Variants in SLC12A6 observed in about 807,000 individuals in gnomAD.
The protein encoded by SLC12A6 is solute carrier family 12 member 6, also known as K-Cl cotransporter 3.
A neutral mutation model predicts 135.3 loss-of-function variants in SLC12A6; 66 were observed. The observed-to-expected ratio is 0.49, with a 90% CI of 0.40 to 0.60. The LOEUF (loss-of-function observed/expected upper bound fraction) is 0.60, where lower values mean the gene tolerates loss of function less well. Ranked by LOEUF, SLC12A6 falls within the 20% of genes least tolerant of loss-of-function variation. The pLI, the probability that SLC12A6 is intolerant of heterozygous loss-of-function variation, is 0.00. For synonymous variants in SLC12A6, 513 were observed against 508.8 expected, an observed-to-expected ratio of 1.01 and a Z score of -0.11; for missense variants, 1,058 against 1,452.3, an observed-to-expected ratio of 0.73 and a Z score of 4.41.
At chr15:34,323,474 A>G (rs1889259497) in intron 2 of SLC12A6, among the ~76,000 whole-genome samples, 1 of 152,134 alleles carries the variant, frequency 6.6e-6, no homozygotes, top group Non-Finnish European at 1.5e-5. Flanking sequence ...CGCCAACCCT[A>G]TTGTGAACAG....
At position 34,257,917 on chromosome 15, in the gene SLC12A6, C is replaced by T. The variant is rs2705350; in HGVS notation, c.544-129G>A. 0.96 allele frequency: 637,329 copies of T among 667,284 alleles called. 306,927 individuals carry two copies. Among genetic ancestry groups the T allele is most frequent in the East Asian group, 1 (36,798 of 36,808 alleles). The allele number at this position is 667,284 out of a possible 1,614,324, so 41.3% of individuals were successfully genotyped here. ...GCAGAAATCATAAGTTTAATCAATA[C>T]CTTCAAAAGGGCACATATAAAATCT... is the stretch of plus-strand genomic sequence containing the variant. On this transcript the variant is annotated intron_variant, in intron 5 of 25. Coordinates refer to ENST00000354181, the MANE Select transcript of SLC12A6 (RefSeq NM_001365088.1).
intron 13 of SLC12A6, among the ~76,000 whole-genome samples, chr15:34,248,683 G>A (rs1230399083): frequency 6.6e-6 from 1 of 152,020 alleles, no homozygotes; most frequent in East Asian, 1.9e-4. Context: ...TCCTCAAAGA[G>A]CTCAACGTGT....
chr15:34,316,230 G>A, intron 2 of SLC12A6, among the ~76,000 whole-genome samples: 1 of 151,830 alleles, frequency 6.6e-6, no homozygotes, highest in East Asian at 1.9e-4. Context: ...AATGAAAAAT[G>A]CTACTGGTTA....
chr15:34,255,219 A>T (rs776728827), intron 8 of SLC12A6, 43 bp downstream of exon 8: 1 of 1,444,098 alleles, frequency 6.9e-7, no homozygotes, highest in Non-Finnish European at 9.7e-7. Context: ...ACCTAAATCA[A>T]TATTTCTTCT....
intron 3 of SLC12A6, among the ~76,000 whole-genome samples, chr15:34,273,728 A>C (rs1240174470): frequency 6.6e-6 from 1 of 152,230 alleles, no homozygotes; most frequent in Non-Finnish European, 1.5e-5. Context: ...ATAAGCCTCA[A>C]ATCAAAGCAT....
intron 2 of SLC12A6, 78 bp downstream of exon 2, chr15:34,336,332 T>C: frequency 8.9e-7 from 1 of 1,123,814 alleles, no homozygotes; most frequent in East Asian, 2.4e-5. Flanking sequence ...ATGATTATGA[T>C]CTTCCAGATC....
At chr15:34,261,157 G>C (rs774656510) in intron 3 of SLC12A6, 137 bp from the exon 4 acceptor site, 1 of 661,886 alleles carries the variant, frequency 1.5e-6, no homozygotes, top group Non-Finnish European at 2.8e-6. Context: ...AACTCAATCA[G>C]CACTGCTTGG....
At chr15:34,263,194 A>G (rs1226267986) in intron 3 of SLC12A6, among the ~76,000 whole-genome samples, 1 of 152,104 alleles carries the variant, frequency 6.6e-6, no homozygotes, top group Non-Finnish European at 1.5e-5. Context: ...CCCAGGTGGG[A>G]GACTGCTAGA....
chr15:34,277,439 C>G (rs1894370532), intron 2 of SLC12A6, among the ~76,000 whole-genome samples: 1 of 152,116 alleles, frequency 6.6e-6, no homozygotes, highest in South Asian at 2.1e-4. Flanking sequence ...ATCTCTCCCC[C>G]AACCCCCCAC....
chr15:34,258,142 A>G (rs1293744351), intron 5 of SLC12A6, among the ~76,000 whole-genome samples: 1 of 152,228 alleles, frequency 6.6e-6, no homozygotes, highest in African/African-American at 2.4e-5. Flanking sequence ...ACTTGATGGA[A>G]TTTCTTCAGA....
intron 3 of SLC12A6, among the ~76,000 whole-genome samples, chr15:34,271,137 G>A (rs1295978551): frequency 1.3e-5 from 2 of 152,026 alleles, no homozygotes; most frequent in Non-Finnish European, 2.9e-5. Context: ...ACCATATCAG[G>A]TATGTTTCAA....
rs10851964 is a variant in SLC12A6, at chr15:34,250,854, G to A, written c.1492+45C>T. On this transcript the variant is annotated intron_variant, in intron 11 of 25. Coordinates refer to ENST00000354181, the MANE Select transcript of SLC12A6 (RefSeq NM_001365088.1). ...TCTGCCTCCTGAGAAAAATCACTCCGTGGGTCTGACAGCTTCTAAAATATA... is the reference window on the plus strand; with the variant it reads ...TCTGCCTCCTGAGAAAAATCACTCCATGGGTCTGACAGCTTCTAAAATATA... The A allele has an allele frequency of 0.67, 1,027,345 of 1,541,474 alleles. 345,551 individuals carry two copies. The highest frequency in any genetic ancestry group is 0.72 in the East Asian group (31,775 of 44,440).
At position 34,275,333 on chromosome 15, in the gene SLC12A6, G is replaced by A. The variant is rs1163258585; in HGVS notation, c.316+12C>T. The A allele has an allele frequency of 1.4e-6, 2 of 1,397,232 alleles. No homozygotes were observed. Among genetic ancestry groups the A allele is most frequent in the Non-Finnish European group, 2.0e-6 (2 of 982,978 alleles). The allele number at this position is 1,397,232 out of a possible 1,614,324, so 86.6% of individuals were successfully genotyped here. ...ACTTTGGATAAAGTCAATCCCCACA[G>A]TAATACTATACCTAACAGTTGGCTG... On this transcript the variant is annotated intron_variant, in intron 3 of 25. Coordinates refer to ENST00000354181, the MANE Select transcript of SLC12A6 (RefSeq NM_001365088.1).
intron 2 of SLC12A6, among the ~76,000 whole-genome samples, chr15:34,324,644 A>G (rs978172611): frequency 1.3e-5 from 2 of 152,170 alleles, no homozygotes; most frequent in African/African-American, 4.8e-5. Flanking sequence ...GATTTAGTGA[A>G]AAGATTGAAA....
rs515726215 is a variant in SLC12A6, at chr15:34,240,659, AC to A, written c.2436+1del. The A allele has an allele frequency of 2.9e-5, 46 of 1,613,232 alleles. No individual in the cohort carries two copies. The highest frequency in any genetic ancestry group is 3.8e-5 in the Non-Finnish European group (45 of 1,179,288). Reference sequence around the variant, plus strand: ...CCAATACCTCAAAAGCCTGACTCTTACCTGCTCAGCAGCTAAAGCTTCACCG... The same window carrying A: ...CCAATACCTCAAAAGCCTGACTCTTACTGCTCAGCAGCTAAAGCTTCACCG... On this transcript the variant is annotated splice_donor_variant, in intron 19 of 25. Transcript: ENST00000354181. LOFTEE classifies it high-confidence loss of function.
chr15:34,236,612 G>C, intron 23 of SLC12A6, 96 bp downstream of exon 23: 1 of 833,518 alleles, frequency 1.2e-6, no homozygotes, highest in South Asian at 1.3e-5. Flanking sequence ...AAAGTGCTGG[G>C]ATTACAGGCG....
At chr15:34,330,179 G>C (rs983512122) in intron 2 of SLC12A6, among the ~76,000 whole-genome samples, 2 of 151,966 alleles carry the variant, frequency 1.3e-5, no homozygotes, top group South Asian at 4.2e-4. Context: ...TGGCTGATAC[G>C]GCTCTTTTTA....
Position 34,235,315 on chromosome 15 carries a change from C to A in SLC12A6, c.3228-1G>T. 1 of 1,612,866 alleles carries A rather than the reference C, an allele frequency of 6.2e-7. No homozygotes were observed. Among genetic ancestry groups the A allele is most frequent in the South Asian group, 1.1e-5 (1 of 91,044 alleles). On this transcript the variant is annotated splice_acceptor_variant, in intron 24 of 25. Transcript: ENST00000354181. LOFTEE classifies it high-confidence loss of function. ...CATCCGCCTCACATTGGACTGGTCC[C>A]TGAGTGGGGAAGAAATAAAGGTTGT...
intron 2 of SLC12A6, among the ~76,000 whole-genome samples, chr15:34,327,061 T>C (rs1181739329): frequency 2.0e-5 from 3 of 152,092 alleles, no homozygotes; most frequent in Non-Finnish European, 4.4e-5. Context: ...ATTATTTGTA[T>C]GACCTTGGGC....
Sources: gnomAD v4.1 joint callset for allele counts (sites outside exome capture counted in the v4.1 genomes callset) on GRCh38, gnomAD v4.1.1 for gene constraint, MANE v1.5 for transcripts, NCBI Gene and HGNC (gene_info 2026-07-23, HGNC 2026-07-21) for gene names.